WDCP: variants seen among roughly 807,000 people sequenced by gnomAD.
WDCP encodes WD repeat and coiled-coil-containing protein.
A neutral mutation model predicts 41.6 loss-of-function variants in WDCP; 19 were observed. The ratio of observed to expected loss-of-function variants is 0.46; its 90% confidence interval spans 0.32 to 0.67. WDCP has a LOEUF of 0.67. WDCP is among the 30% of genes least tolerant of loss of function. The probability of loss-of-function intolerance (pLI) is 0.04; values close to 1 mark genes in which losing one functional copy is unlikely to be tolerated. For missense variants in WDCP, 802 were observed against 850.7 expected (o/e 0.94, Z 0.71); for synonymous variants, 302 against 320.8 (o/e 0.94, Z 0.63).
chr2:24,033,173 T>C (rs1326521105), intron 2 of WDCP: 1 of 616,450 alleles, frequency 1.6e-6, no homozygotes, highest in Non-Finnish European at 3.1e-6. Context: ...TCAGGGTTCT[T>C]CATCACTAGG....
Position 24,037,942 on chromosome 2 carries a change from A to G in WDCP, c.1553T>C (p.Val518Ala), listed in dbSNP as rs537197051. 4.8e-5 allele frequency: 78 copies of G among 1,614,190 alleles called. No individual in the cohort carries two copies. The East Asian group carries it at 1.7e-3, about 35-fold the overall frequency. Reference protein sequence around the residue: ...DGSIALDAEPVTQPASLPRHS... With the variant: ...DGSIALDAEPATQPASLPRHS... ...TCTGGGCAGCGATGCTGGCTGGGTA[A>G]CAGGCTCAGCATCTAGAGCTATGGA... is the stretch of plus-strand genomic sequence containing the variant. Residue 518 changes from valine to alanine, a missense_variant, in exon 2 of 4, where the codon GTT becomes GCT. By Grantham distance (64) the Val-to-Ala change is moderately conservative. Around this residue, in one of 5 missense-constraint regions of WDCP, gnomAD observed 321 missense variants for 305.1 expected, o/e 1.05. Transcript: ENST00000295148.
At chr2:24,035,939 C>T (rs968559864) in intron 2 of WDCP, among the ~76,000 whole-genome samples, 4 of 151,494 alleles carry the variant, frequency 2.6e-5, no homozygotes, top group Non-Finnish European at 4.4e-5. Context: ...TGTGGTGGCA[C>T]GTGCCTGTAA....
intron 1 of WDCP, 32 bp from the exon 2 acceptor site, chr2:24,039,544 G>A (rs1185127928): frequency 6.4e-7 from 1 of 1,572,346 alleles, no homozygotes; most frequent in Admixed American, 1.8e-5. Flanking sequence ...GTTACACCAT[G>A]AGAAATCTAG....
chr2:24,036,790 A>T (rs1055964060), intron 2 of WDCP, among the ~76,000 whole-genome samples: 6 of 152,232 alleles, frequency 3.9e-5, no homozygotes, highest in Admixed American at 3.9e-4. Flanking sequence ...CCATTCCCAC[A>T]TACCTATATA....
Position 24,039,387 on chromosome 2 carries a change from T to C in WDCP, c.108A>G (p.Leu36=). The change falls in exon 2 of 4, where the codon CTA becomes CTG. Residue 36 remains leucine, a synonymous_variant. Transcript: ENST00000295148. ...CTCCACTGTGAAGCCGCAAATCAGTTAGGACAACTTGATTCCCATCGGTCC... is the reference window on the plus strand; with the variant it reads ...CTCCACTGTGAAGCCGCAAATCAGTCAGGACAACTTGATTCCCATCGGTCC... ...LAWTDGNQVV[L]TDLRLHSGEV... The C allele has an allele frequency of 1.2e-6, 2 of 1,614,264 alleles. No individual in the cohort carries two copies. The highest frequency in any genetic ancestry group is 2.7e-5 in the African/African-American group (2 of 75,076).
chr2:24,047,130 A>C (rs1573673081), intron 1 of WDCP, among the ~76,000 whole-genome samples, 184 bp downstream of exon 1: 1 of 149,956 alleles, frequency 6.7e-6, no homozygotes, highest in African/African-American at 2.5e-5. Context: ...ATTTACACCC[A>C]CCCCTAGCTC....
chr2:24,041,320 C>T (rs1258341019), intron 1 of WDCP, among the ~76,000 whole-genome samples: 2 of 148,982 alleles, frequency 1.3e-5, no homozygotes, highest in African/African-American at 4.9e-5. Flanking sequence ...GCCTGGGCGA[C>T]AGGAGCAAAA....
rs1278019001 is a variant in WDCP, at chr2:24,039,124, T to A, written c.371A>T (p.Lys124Ile). Reference protein sequence around the residue: ...ILPQGCVWHPKCAILTVLTAQ... With the variant: ...ILPQGCVWHPICAILTVLTAQ... ...AGTCAACACAGTCAGAATAGCACAT[T>A]TTGGGTGCCACACACAGCCCTGGGG... The change falls in exon 2 of 4, where the codon AAA becomes ATA. Residue 124 changes from lysine to isoleucine, a missense_variant. By Grantham distance (102) the Lys-to-Ile change is moderately radical. This residue lies in a region of WDCP where 214 missense variants were observed against 252.9 expected (regional missense o/e 0.85). Transcript: ENST00000295148. 6.2e-7 allele frequency: 1 copy of A among 1,614,170 alleles called. No homozygotes were observed. Among genetic ancestry groups the A allele is most frequent in the Non-Finnish European group, 8.5e-7 (1 of 1,180,040 alleles).
chr2:24,032,928 G>A lies in WDCP; in HGVS notation c.1837C>T (p.Pro613Ser), dbSNP rs1449134140. 6.2e-7 allele frequency: 1 copy of A among 1,606,714 alleles called. No individual in the cohort carries two copies. Among genetic ancestry groups the A allele is most frequent in the Non-Finnish European group, 8.5e-7 (1 of 1,173,442 alleles). ...AGCACCGCTCTTTTTTCAACAACAG[G>A]ACCTAGATAATAAGGTTTCTGCAAA... ...IIYQKPYYLG[P>S]VVEKRAVLLC... The change falls in exon 3 of 4, where the codon CCT becomes TCT. Residue 613 changes from proline to serine, a missense_variant. Pro to Ser is a moderately conservative substitution (Grantham distance 74, BLOSUM62 -1). Transcript: ENST00000295148.
At chr2:24,045,631 GAGGAAGGA>G (rs4041250) in intron 1 of WDCP, among the ~76,000 whole-genome samples, 68 of 106,162 alleles carry the variant, frequency 6.4e-4, no homozygotes, top group Non-Finnish European at 1.1e-3. Context: ...GAGAGAGAGA[GAGGAAGGA>G]AGGAAGGAAG....
At chr2:24,041,129 A>G (rs1270463621) in intron 1 of WDCP, among the ~76,000 whole-genome samples, 2 of 152,068 alleles carry the variant, frequency 1.3e-5, no homozygotes, top group Admixed American at 1.3e-4. Context: ...ACCTGAGGTC[A>G]GGAGTTTGAG....
chr2:24,044,017 T>C (rs1310472448), intron 1 of WDCP, among the ~76,000 whole-genome samples: 1 of 152,196 alleles, frequency 6.6e-6, no homozygotes, highest in Non-Finnish European at 1.5e-5. Flanking sequence ...GTCCCACTGG[T>C]CTTATGAAAG....
intron 1 of WDCP, among the ~76,000 whole-genome samples, chr2:24,040,643 TGTAAA>T (rs967941389): frequency 6.6e-6 from 1 of 152,256 alleles, no homozygotes; most frequent in Non-Finnish European, 1.5e-5. Context: ...TTTAAAATAA[TGTAAA>T]GTAGGTTAGG....
Position 24,030,787 on chromosome 2 carries a change from G to A in WDCP, c.*146C>T. Reference sequence around the variant, plus strand: ...CACAGCAGCGAGCCTCAGCTCAGGGGAAACAGGGGGAAACCAGGAGAGCCG... The same window carrying A: ...CACAGCAGCGAGCCTCAGCTCAGGGAAAACAGGGGGAAACCAGGAGAGCCG... On this transcript the variant is annotated 3_prime_UTR_variant, in exon 4 of 4. Transcript: ENST00000295148. The A allele has an allele frequency of 1.6e-6, 1 of 640,852 alleles. No individual in the cohort carries two copies. The highest frequency in any genetic ancestry group is 2.8e-6 in the Non-Finnish European group (1 of 362,536). 39.7% of individuals were successfully genotyped at this position (640,852 alleles called of 1,614,324 possible). A position where few individuals can be genotyped will look rare whatever the true frequency, so the allele number is the denominator to read the frequency against.
rs373761564 is a variant in WDCP, at chr2:24,032,821, C to T, written c.1936+8G>A. 4.0e-5 allele frequency: 62 copies of T among 1,537,164 alleles called. No homozygotes were observed. The highest frequency in any genetic ancestry group is 3.8e-4 in the East Asian group (17 of 44,544). On this transcript the variant is annotated splice_region_variant and intron_variant, in intron 3 of 3. Coordinates refer to ENST00000295148, the MANE Select transcript of WDCP (RefSeq NM_025203.3). ...GTTAGCTAGGGTCAATTTCTGAGCA[C>T]GACCTACCATGTAGCATTTCAATGA...
At chr2:24,040,514 G>A (rs1663394579) in intron 1 of WDCP, among the ~76,000 whole-genome samples, 1 of 152,100 alleles carries the variant, frequency 6.6e-6, no homozygotes, top group Non-Finnish European at 1.5e-5. Context: ...TCCCTCTATT[G>A]AAATGACACT....
At position 24,038,098 on chromosome 2, in the gene WDCP, C is replaced by T. The variant is rs574820849; in HGVS notation, c.1397G>A (p.Ser466Asn). ...NKANRKKLIE[S>N]LSPDFCHQNK... ...TTGGTGACAAAAATCTGGGGAAAGA[C>T]TTTCAATTAACTTTTTTCTATTTGC... The change falls in exon 2 of 4, where the codon AGT (serine) becomes AAT (asparagine). Residue 466 changes from serine to asparagine, a missense_variant. By Grantham distance (46) the Ser-to-Asn change is conservative. Transcript: ENST00000295148. 6.2e-7 allele frequency: 1 copy of T among 1,614,172 alleles called. No homozygotes were observed. The highest frequency in any genetic ancestry group is 1.7e-5 in the Admixed American group (1 of 60,000).
chr2:24,039,413 A>G lies in WDCP; in HGVS notation c.82T>C (p.Trp28Arg). 1.2e-6 allele frequency: 2 copies of G among 1,614,268 alleles called. No individual in the cohort carries two copies. Among genetic ancestry groups the G allele is most frequent in the Non-Finnish European group, 1.7e-6 (2 of 1,180,034 alleles). The change falls in exon 2 of 4, where the codon TGG becomes CGG. Residue 28 changes from tryptophan to arginine, a missense_variant. This residue lies in a region of WDCP where 214 missense variants were observed against 252.9 expected (regional missense o/e 0.85). Coordinates refer to ENST00000295148, the MANE Select transcript of WDCP (RefSeq NM_025203.3). ...QAVHPIHGLA[W>R]TDGNQVVLTD... ...AGGACAACTTGATTCCCATCGGTCC[A>G]GGCAAGGCCATGGATCGGATGCACT... is the stretch of plus-strand genomic sequence containing the variant.
In WDCP at chr2:24,030,131, T is replaced by C. The variant is rs1280442882; in HGVS notation, c.*802A>G. 8 of 151,028 alleles carry C rather than the reference T, an allele frequency of 5.3e-5. No individual in the cohort carries two copies. Among genetic ancestry groups the C allele is most frequent in the Non-Finnish European group, 1.0e-4 (7 of 67,782 alleles). 9.4% of individuals were successfully genotyped at this position (151,028 alleles called of 1,614,324 possible). A position where few individuals can be genotyped will look rare whatever the true frequency, so the allele number is the denominator to read the frequency against. ...TAGGAAAGTTGCGTGATCCCAAAAC[T>C]GGATTTAAAAAAAAAAAAAGTTATT... is the stretch of plus-strand genomic sequence containing the variant. On this transcript the variant is annotated 3_prime_UTR_variant, in exon 4 of 4. Coordinates refer to ENST00000295148, the MANE Select transcript of WDCP (RefSeq NM_025203.3).
Sources: allele counts gnomAD v4.1 joint callset (sites outside exome capture counted in the v4.1 genomes callset), GRCh38; gene constraint gnomAD v4.1.1; regional missense constraint gnomAD v4.1.1; transcripts MANE v1.5; gene names NCBI Gene and HGNC (gene_info 2026-07-23, HGNC 2026-07-21).